The following ZNF157 variants were observed in gnomAD, a reference collection of about 807,000 sequenced individuals.
ZNF157 encodes zinc finger protein 157, also known as zinc finger protein 22.
In ZNF157, 8 loss-of-function variants were observed where a neutral mutation model predicts 9.4. That is an observed-to-expected ratio of 0.85 (90% CI 0.50 to 1.53). ZNF157 has a LOEUF of 1.53. Ranked by LOEUF, ZNF157 falls within the 40% of genes most tolerant of loss-of-function variation. ZNF157 has a pLI of 0.00. For missense variants in ZNF157, 316 were observed against 385.2 expected, an observed-to-expected ratio of 0.82 and a Z score of 1.50; for synonymous variants, 120 against 130.8, an observed-to-expected ratio of 0.92 and a Z score of 0.56.
intron 1 of ZNF157, among the ~76,000 whole-genome samples, chrX:47,409,608 G>A (rs1287358996): frequency 9.2e-6 from 1 of 108,183 alleles, no homozygotes. Flanking sequence ...CTCCCAAAGT[G>A]CTACGATCAT....
rs2055971757 is a variant in ZNF157, at chrX:47,413,188, C to T, written c.1115C>T (p.Ser372Phe). 2 of 1,210,032 alleles carry T rather than the reference C, an allele frequency of 1.7e-6. No individual in the cohort carries two copies. Among genetic ancestry groups the T allele is most frequent in the East Asian group, 5.9e-5 (2 of 33,748 alleles). ...GGGAAATCTTTCAGGGTGCACTCAT[C>T]TCTTGGGATCCATCAGAGAATTCAC... is the stretch of plus-strand genomic sequence containing the variant. Reference protein sequence around the residue: ...ECGKSFRVHSSLGIHQRIHTG... With the variant: ...ECGKSFRVHSFLGIHQRIHTG... Residue 372 changes from serine (S) to phenylalanine (F), a missense_variant, in exon 4 of 4, where the codon TCT becomes TTT. By Grantham distance (155) the Ser-to-Phe change is radical. This residue lies in a region of ZNF157 where 167 missense variants were observed against 183.6 expected (regional missense o/e 0.91). Coordinates refer to ENST00000377073, the MANE Select transcript of ZNF157 (RefSeq NM_003446.4).
chrX:47,387,664 C>T (rs1158677280), intron 1 of ZNF157, among the ~76,000 whole-genome samples: 1 of 109,161 alleles, frequency 9.2e-6, no homozygotes, highest in African/African-American at 3.3e-5. Flanking sequence ...CTTGTAATCC[C>T]AGCACTTTGG....
intron 1 of ZNF157, among the ~76,000 whole-genome samples, chrX:47,396,643 C>T (rs1428796706): frequency 1.8e-5 from 2 of 112,178 alleles, no homozygotes; most frequent in East Asian, 5.5e-4. Context: ...TTCCAGATCC[C>T]TTTGCCCTCA....
At chrX:47,404,834 C>T (rs911283304) in intron 1 of ZNF157, among the ~76,000 whole-genome samples, 6 of 109,261 alleles carry the variant, frequency 5.5e-5, no homozygotes, top group Admixed American at 5.0e-4. Flanking sequence ...TTTTAGGTTT[C>T]GGGTACTGTA....
intron 1 of ZNF157, among the ~76,000 whole-genome samples, chrX:47,385,427 C>A (rs975221789): frequency 2.7e-5 from 3 of 110,870 alleles, no homozygotes; most frequent in Non-Finnish European, 5.7e-5. Context: ...TACGGTGTTA[C>A]TCTAAGTCCA....
intron 1 of ZNF157, among the ~76,000 whole-genome samples, chrX:47,386,321 C>G (rs1024132561): frequency 2.7e-5 from 3 of 110,928 alleles, no homozygotes; most frequent in African/African-American, 9.8e-5. Flanking sequence ...TCTCCTGCTG[C>G]CCTTTCACAA....
intron 1 of ZNF157, 131 bp downstream of exon 1, chrX:47,370,871 T>A: frequency 1.9e-6 from 1 of 524,555 alleles, no homozygotes; most frequent in Non-Finnish European, 3.0e-6. Flanking sequence ...TCCCCAGTAG[T>A]AACATCTCGT....
chrX:47,379,746 A>G (rs1440120949), intron 1 of ZNF157, among the ~76,000 whole-genome samples: 1 of 66,992 alleles, frequency 1.5e-5, no homozygotes, highest in Non-Finnish European at 2.5e-5. Flanking sequence ...TTTTTTTTGC[A>G]TATGGATGTC....
intron 1 of ZNF157, among the ~76,000 whole-genome samples, chrX:47,385,361 A>G (rs1309577221): frequency 9.0e-6 from 1 of 111,452 alleles, no homozygotes; most frequent in Admixed American, 9.7e-5. Context: ...TATATTAGTT[A>G]CCCCAGAGCA....
At chrX:47,384,043 G>A (rs181469801) in intron 1 of ZNF157, among the ~76,000 whole-genome samples, 95 of 109,417 alleles carry the variant, frequency 8.7e-4, no homozygotes, top group South Asian at 3.9e-3. Flanking sequence ...GCCGAGGCGG[G>A]TGGATCACTT....
chrX:47,400,716 T>G (rs960564809), intron 1 of ZNF157, among the ~76,000 whole-genome samples: 1 of 111,713 alleles, frequency 9.0e-6, no homozygotes, highest in East Asian at 2.8e-4. Context: ...AGAGCAGTGG[T>G]GCTATCAGGG....
chrX:47,397,489 A>G lies in ZNF157; in HGVS notation c.73-12787A>G, dbSNP rs778828910. 4.2e-4 allele frequency among the ~76,000 whole-genome samples: 46 copies of G among 109,785 alleles called. 1 individual carries two copies. Among genetic ancestry groups the G allele is most frequent in the African/African-American group, 1.5e-3 (46 of 30,234 alleles). On this transcript the variant is annotated intron_variant, in intron 1 of 3. Coordinates refer to ENST00000377073, the MANE Select transcript of ZNF157 (RefSeq NM_003446.4). Reference sequence around the variant, plus strand: ...GAGTGCAGTAGCACAATCTCGGCTCACTGCAACCTCCGCCTCCTGGGTTCA... The same window carrying G: ...GAGTGCAGTAGCACAATCTCGGCTCGCTGCAACCTCCGCCTCCTGGGTTCA...
At chrX:47,412,222 G>A (rs1453730992) in intron 3 of ZNF157, 147 bp from the exon 4 acceptor site, 46 of 510,125 alleles carry the variant, frequency 9.0e-5, no homozygotes, top group Non-Finnish European at 1.3e-4. Flanking sequence ...GCCTCCCAAA[G>A]TGCTGGGATT....
chrX:47,381,967 A>G (rs1421435099), intron 1 of ZNF157, among the ~76,000 whole-genome samples: 1 of 111,944 alleles, frequency 8.9e-6, no homozygotes, highest in East Asian at 2.8e-4. Context: ...TGCCCAAGGT[A>G]TGTGTTAGAT....
Position 47,413,324 on chromosome X carries a change from T to C in ZNF157, c.1251T>C (p.Ser417=), listed in dbSNP as rs776425533. The C allele has an allele frequency of 3.3e-6, 4 of 1,211,280 alleles. No individual in the cohort carries two copies. Among genetic ancestry groups the C allele is most frequent in the Non-Finnish European group, 4.5e-6 (4 of 895,288 alleles). The part of the protein sequence containing the change: ...MHSGEKPYEC[S]ECGKIFSMKK... ...CAGGAGAGAAACCCTACGAATGTAG[T>C]GAATGTGGGAAAATCTTCAGTATGA... is the stretch of plus-strand genomic sequence containing the variant. The change falls in exon 4 of 4, where the codon AGT becomes AGC. Residue 417 remains serine, a synonymous_variant. Coordinates refer to ENST00000377073, the MANE Select transcript of ZNF157 (RefSeq NM_003446.4).
At position 47,389,350 on chromosome X, in the gene ZNF157, A is replaced by AT. The variant is rs763942145; in HGVS notation, c.72+18625dup. 4.2e-3 allele frequency among the ~76,000 whole-genome samples: 409 copies of AT among 96,255 alleles called. 3 individuals carry two copies. Among genetic ancestry groups the AT allele is most frequent in the Middle Eastern group, 0.01 (2 of 192 alleles). The allele number at this position is 96,255 out of a possible 115,157, so 83.6% of individuals were successfully genotyped here. A position where few individuals can be genotyped will look rare whatever the true frequency, so the allele number is the denominator to read the frequency against. ...CCTTCCAAGTAGCTGGGAGCCATTA[A>AT]TTTTTTTTTTTTTTTCCAAGACAGA... On this transcript the variant is annotated intron_variant, in intron 1 of 3. Coordinates refer to ENST00000377073, the MANE Select transcript of ZNF157 (RefSeq NM_003446.4).
Position 47,410,709 on chromosome X carries a change from T to G in ZNF157, c.229T>G (p.Phe77Val). ...GLCVAKPEMIFKLERGEELWI... is the reference protein window; with the variant it reads ...GLCVAKPEMIVKLERGEELWI... ...CTGCGTGGCCAAACCAGAGATGATC[T>G]TCAAGTTGGAGCGAGGAGAAGAGCT... The change falls in exon 3 of 4, where the codon TTC becomes GTC. Residue 77 changes from phenylalanine to valine, a missense_variant. By Grantham distance (50) the Phe-to-Val change is conservative. Transcript: ENST00000377073. The G allele has an allele frequency of 8.3e-7, 1 of 1,207,571 alleles. No homozygotes were observed. Among genetic ancestry groups the G allele is most frequent in the Non-Finnish European group, 1.1e-6 (1 of 893,699 alleles).
intron 1 of ZNF157, among the ~76,000 whole-genome samples, chrX:47,381,001 G>A (rs2055860865): frequency 3.0e-5 from 3 of 99,926 alleles, no homozygotes; most frequent in Non-Finnish European, 6.1e-5. Flanking sequence ...GAAGGAGGAG[G>A]AGGAGGAAGA....
At position 47,370,743 on chromosome X, in the gene ZNF157, A is replaced by G; in HGVS notation, c.72+3A>G. On this transcript the variant is annotated splice_donor_region_variant and intron_variant, in intron 1 of 3. Transcript: ENST00000377073. ...GAGAACCTGGCAGATCTTTTGAGGT[A>G]AGGAGGAGGATCCTATTTTTTTCTA... 1 of 1,188,551 alleles carries G rather than the reference A, an allele frequency of 8.4e-7. No homozygotes were observed. Among genetic ancestry groups the G allele is most frequent in the Non-Finnish European group, 1.1e-6 (1 of 882,879 alleles).
Sources: gnomAD v4.1 joint callset for allele counts (sites outside exome capture counted in the v4.1 genomes callset) on GRCh38, gnomAD v4.1.1 for gene constraint, gnomAD v4.1.1 regional missense constraint, MANE v1.5 for transcripts, NCBI Gene and HGNC (gene_info 2026-07-23, HGNC 2026-07-21) for gene names.